PDE7B: variants seen among roughly 807,000 people sequenced by gnomAD.
PDE7B encodes 3',5'-cyclic-AMP phosphodiesterase 7B.
Under a neutral mutation model 56.2 loss-of-function variants are expected in PDE7B, and 29 were observed. That is an observed-to-expected ratio of 0.52 (90% confidence interval 0.38 to 0.70). The LOEUF is 0.70. Ranked by LOEUF, PDE7B falls within the 30% of genes least tolerant of loss-of-function variation. PDE7B has a pLI of 0.00. For missense variants in PDE7B, 490 were observed against 565.0 expected (o/e 0.87, Z 1.35); for synonymous variants, 197 against 196.9 (o/e 1.00, Z 0.00).
chr6:135,946,205 T>C (rs1774593334), intron 1 of PDE7B, among the ~76,000 whole-genome samples: 1 of 151,566 alleles, frequency 6.6e-6, no homozygotes, highest in Non-Finnish European at 1.5e-5. Context: ...ATATGTCTTA[T>C]ATGATTGGCA....
At chr6:136,164,704 G>T (rs1279805821) in intron 8 of PDE7B, among the ~76,000 whole-genome samples, 1 of 151,986 alleles carries the variant, frequency 6.6e-6, no homozygotes, top group Non-Finnish European at 1.5e-5. Context: ...TTTCATTGCA[G>T]AGAAATATGA....
At chr6:136,014,091 C>T (rs1418601732) in intron 2 of PDE7B, among the ~76,000 whole-genome samples, 1 of 152,084 alleles carries the variant, frequency 6.6e-6, no homozygotes, top group Non-Finnish European at 1.5e-5. Context: ...CCTTAAAAGC[C>T]CCATTTAAAT....
intron 2 of PDE7B, among the ~76,000 whole-genome samples, chr6:135,980,116 G>A (rs199832325): frequency 5.3e-5 from 8 of 150,066 alleles, no homozygotes; most frequent in Admixed American, 1.3e-4. Flanking sequence ...GAACAGAACA[G>A]AGCCCTCAGA....
At chr6:136,078,141 G>A (rs374120267) in intron 2 of PDE7B, among the ~76,000 whole-genome samples, 40 of 152,292 alleles carry the variant, frequency 2.6e-4, no homozygotes, top group African/African-American at 9.1e-4. Flanking sequence ...CTCTTCTGCA[G>A]AAATACTGGG....
chr6:136,066,673 A>T (rs893638516), intron 2 of PDE7B, among the ~76,000 whole-genome samples: 1 of 152,190 alleles, frequency 6.6e-6, no homozygotes, highest in Non-Finnish European at 1.5e-5. Context: ...ATATCCTGTT[A>T]CACAAAGTCT....
intron 2 of PDE7B, among the ~76,000 whole-genome samples, chr6:136,106,617 A>G (rs1044963180): frequency 1.3e-5 from 2 of 152,196 alleles, no homozygotes; most frequent in African/African-American, 2.4e-5. Context: ...CTTCACAACC[A>G]TTCTTCTCTG....
chr6:136,105,681 T>G (rs1777634880), intron 2 of PDE7B, among the ~76,000 whole-genome samples: 1 of 152,224 alleles, frequency 6.6e-6, no homozygotes, highest in African/African-American at 2.4e-5. Flanking sequence ...ATTAGACAAC[T>G]GGACTTCAGA....
At position 136,141,867 on chromosome 6, in the gene PDE7B, C is replaced by A. The variant is rs138066206; in HGVS notation, c.167-5484C>A. On this transcript the variant is annotated intron_variant, in intron 3 of 12. Coordinates refer to ENST00000308191, the MANE Select transcript of PDE7B (RefSeq NM_018945.4). ...TGATTCTTCTCTCTTATTCGTCTTG[C>A]GAGCAGTCTATCAATTTTGTTGATC... Among the ~76,000 whole-genome samples the A allele has an allele frequency of 1.6e-3, 235 of 151,376 alleles. 1 individual carries two copies. Among genetic ancestry groups the A allele is most frequent in the African/African-American group, 5.3e-3 (219 of 41,438 alleles).
intron 2 of PDE7B, among the ~76,000 whole-genome samples, chr6:135,951,445 A>G (rs1329107558): frequency 6.6e-6 from 1 of 152,224 alleles, no homozygotes; most frequent in Non-Finnish European, 1.5e-5. Context: ...TTTCAAAAGC[A>G]TAATGAAAAC....
At chr6:135,950,006 T>C (rs1161588707) in intron 2 of PDE7B, among the ~76,000 whole-genome samples, 11 of 152,196 alleles carry the variant, frequency 7.2e-5, no homozygotes, top group Middle Eastern at 3.4e-3. Flanking sequence ...CTTTGAAATC[T>C]TAGATGGAAG....
intron 8 of PDE7B, among the ~76,000 whole-genome samples, chr6:136,173,499 C>A (rs1778926464): frequency 1.3e-5 from 2 of 152,148 alleles, no homozygotes; most frequent in South Asian, 4.1e-4. Context: ...TTAGCGTGGC[C>A]TGACTGAGCT....
chr6:135,968,613 G>A (rs370238461), intron 2 of PDE7B, among the ~76,000 whole-genome samples: 15 of 151,882 alleles, frequency 9.9e-5, no homozygotes, highest in East Asian at 1.9e-4. Flanking sequence ...TCAGAACAGC[G>A]ATTATTAAAA....
intron 1 of PDE7B, among the ~76,000 whole-genome samples, chr6:135,943,422 T>A (rs182376096): frequency 2.4e-4 from 36 of 152,234 alleles, no homozygotes; most frequent in South Asian, 1.4e-3. Context: ...CAGTGGTTAG[T>A]GGGTGAGAGA....
intron 8 of PDE7B, 53 bp from the exon 9 acceptor site, chr6:136,173,744 G>C: frequency 8.6e-7 from 1 of 1,156,230 alleles, no homozygotes; most frequent in Non-Finnish European, 1.3e-6. Flanking sequence ...CAGCATGAAA[G>C]ATCAGTATCT....
At chr6:135,926,180 G>A (rs1318239805) in intron 1 of PDE7B, among the ~76,000 whole-genome samples, 2 of 149,100 alleles carry the variant, frequency 1.3e-5, no homozygotes, top group African/African-American at 4.9e-5. Context: ...TCCGCCTCCT[G>A]GGTTCACGCC....
In PDE7B at chr6:135,917,561, T is replaced by C. The variant is rs1773979511; in HGVS notation, c.22-29903T>C. 2.0e-5 allele frequency among the ~76,000 whole-genome samples: 3 copies of C among 152,198 alleles called. No homozygotes were observed. The South Asian group carries it at 6.2e-4, about 32-fold the overall frequency. On this transcript the variant is annotated intron_variant, in intron 1 of 12. Coordinates refer to ENST00000308191, the MANE Select transcript of PDE7B (RefSeq NM_018945.4). ...TATTTTAAAGGCTTCATCTGCTAAT[T>C]TCAACATTGTCATTTCAAGTCTGCC...
intron 2 of PDE7B, among the ~76,000 whole-genome samples, chr6:135,982,106 G>A (rs963912261): frequency 6.6e-6 from 1 of 152,050 alleles, no homozygotes; most frequent in Non-Finnish European, 1.5e-5. Flanking sequence ...TACTTATCCT[G>A]ACCCCCCCTC....
At chr6:135,984,879 A>G (rs777778529) in intron 2 of PDE7B, among the ~76,000 whole-genome samples, 1 of 152,000 alleles carries the variant, frequency 6.6e-6, no homozygotes, top group Admixed American at 6.6e-5. Flanking sequence ...CTGTTGCTAC[A>G]CTTTTCTGAT....
chr6:136,158,776 C>T (rs755036822), intron 8 of PDE7B, among the ~76,000 whole-genome samples: 6 of 152,140 alleles, frequency 3.9e-5, no homozygotes, highest in Non-Finnish European at 7.4e-5. Context: ...GTCCAGGTGT[C>T]CAGGGTGGAC....
Sources: allele counts gnomAD v4.1 joint callset (sites outside exome capture counted in the v4.1 genomes callset), GRCh38; gene constraint gnomAD v4.1.1; transcripts MANE v1.5; gene names NCBI Gene and HGNC (gene_info 2026-07-23, HGNC 2026-07-21).